The following CSNK2A1 variants were observed in gnomAD, a reference collection of about 807,000 sequenced individuals.
The protein encoded by CSNK2A1 is casein kinase 2 alpha 1.
In CSNK2A1, 10 loss-of-function variants were observed where a neutral mutation model predicts 62.9. That is an observed-to-expected ratio of 0.16 (90% confidence interval 0.10 to 0.27). CSNK2A1 has a LOEUF of 0.27. CSNK2A1 is among the 10% of genes least tolerant of loss of function. The pLI, the probability that CSNK2A1 is intolerant of heterozygous loss-of-function variation, is 1.00. For synonymous variants in CSNK2A1, 124 were observed against 167.8 expected (o/e 0.74, Z 2.02); for missense variants, 160 against 492.0 (o/e 0.33, Z 6.38).
intron 3 of CSNK2A1, 174 bp downstream of exon 3, chr20:508,277 C>T: frequency 1.7e-6 from 1 of 580,472 alleles, no homozygotes; most frequent in South Asian, 2.6e-5. Flanking sequence ...GCCAAAGCAA[C>T]TCTGCTTCCT....
intron 3 of CSNK2A1, chr20:507,009 A>C (rs1307900418): frequency 6.6e-6 from 1 of 152,206 alleles, no homozygotes; most frequent in African/African-American, 2.4e-5. Flanking sequence ...AACAACATTT[A>C]TTGGTACTAA....
intron 12 of CSNK2A1, chr20:487,043 C>T (rs561773140): frequency 1.4e-5 from 3 of 211,166 alleles, no homozygotes; most frequent in African/African-American, 2.3e-5. Context: ...GGTGGCTATA[C>T]TCACAAATCT....
intron 2 of CSNK2A1, among the ~76,000 whole-genome samples, chr20:520,356 T>C (rs1362366574): frequency 3.3e-5 from 5 of 152,112 alleles, no homozygotes; most frequent in Non-Finnish European, 7.4e-5. Flanking sequence ...CAAAACAGTG[T>C]ATTGGCAAAA....
At chr20:531,963 T>A (rs753877494) in intron 1 of CSNK2A1, among the ~76,000 whole-genome samples, 1 of 152,204 alleles carries the variant, frequency 6.6e-6, no homozygotes. Context: ...CTTAAATTGT[T>A]CACAGTCTTG....
intron 1 of CSNK2A1, among the ~76,000 whole-genome samples, chr20:542,458 G>C (rs1322053892): frequency 6.6e-6 from 1 of 152,204 alleles, no homozygotes; most frequent in African/African-American, 2.4e-5. Flanking sequence ...TTTTGAGGCG[G>C]AGTCTCGCTC....
intron 1 of CSNK2A1, among the ~76,000 whole-genome samples, chr20:540,604 C>G (rs1049495428): frequency 6.6e-6 from 1 of 152,050 alleles, no homozygotes; most frequent in Non-Finnish European, 1.5e-5. Context: ...GTGCCATTAC[C>G]GCTCACTGCA....
At chr20:537,957 T>C (rs1263573667) in intron 1 of CSNK2A1, among the ~76,000 whole-genome samples, 4 of 150,156 alleles carry the variant, frequency 2.7e-5, no homozygotes, top group Non-Finnish European at 2.9e-5. Flanking sequence ...TATAGACAGT[T>C]AACATCTTTT....
At chr20:529,811 G>T (rs963112443) in intron 1 of CSNK2A1, among the ~76,000 whole-genome samples, 27 of 152,172 alleles carry the variant, frequency 1.8e-4, no homozygotes, top group African/African-American at 5.3e-4. Context: ...CATTAAATTT[G>T]TGGGTAGAAG....
At position 499,510 on chromosome 20, in the gene CSNK2A1, G is replaced by GT; in HGVS notation, c.316-206_316-205insA. 1 of 557,012 alleles carries GT rather than the reference G, an allele frequency of 1.8e-6. No individual in the cohort carries two copies. The highest frequency in any genetic ancestry group is 3.1e-6 in the Non-Finnish European group (1 of 320,874). 34.5% of individuals were successfully genotyped at this position (557,012 alleles called of 1,614,324 possible). On this transcript the variant is annotated intron_variant, in intron 5 of 13. Transcript: ENST00000217244. The surrounding 1 kb of genome is among the most constrained non-coding windows in gnomAD (Gnocchi z 4.2). ...GGATGGATTTCAAACAGAAGACATGGAGCTGAAGTCTCACCAGGCTCTAGG... is the reference window on the plus strand; with the variant it reads ...GGATGGATTTCAAACAGAAGACATGGTAGCTGAAGTCTCACCAGGCTCTAGG...
At chr20:486,645 G>A in intron 12 of CSNK2A1, 183 bp from the exon 13 acceptor site, 1 of 544,860 alleles carries the variant, frequency 1.8e-6, no homozygotes, top group Non-Finnish European at 3.2e-6. Flanking sequence ...AGCAGAAATA[G>A]CTTTCCTATC....
In CSNK2A1 at chr20:524,080, A is replaced by T. The variant is rs186168693; in HGVS notation, c.-110+3853T>A. 1.3e-4 allele frequency among the ~76,000 whole-genome samples: 19 copies of T among 151,368 alleles called. No individual in the cohort carries two copies. The East Asian group carries it at 1.9e-3, about 15-fold the overall frequency. On this transcript the variant is annotated intron_variant, in intron 2 of 13. Coordinates refer to ENST00000217244, the MANE Select transcript of CSNK2A1 (RefSeq NM_177559.3). ...AGTCAATTTTACTGTGTATTAATTT[A>T]AAAAAAAATTTAAAAAAAGGAAAAA... is the stretch of plus-strand genomic sequence containing the variant.
chr20:519,968 A>C (rs2018911567), intron 2 of CSNK2A1, among the ~76,000 whole-genome samples: 1 of 152,216 alleles, frequency 6.6e-6, no homozygotes, highest in Non-Finnish European at 1.5e-5. Flanking sequence ...ATAAAATTAT[A>C]ATATCAGGTT....
rs574566053 is a variant in CSNK2A1, at chr20:516,105, A to T, written c.-109-7445T>A. Among the ~76,000 whole-genome samples, 7 of 152,366 alleles carry T rather than the reference A, an allele frequency of 4.6e-5. No homozygotes were observed. The South Asian group carries it at 1.4e-3, about 32-fold the overall frequency. ...TGCCTGAGTCCTAGATATTTGGAAGATCAATTCTCCTCTCCACTGTTCATA... is the reference window on the plus strand; with the variant it reads ...TGCCTGAGTCCTAGATATTTGGAAGTTCAATTCTCCTCTCCACTGTTCATA... On this transcript the variant is annotated intron_variant, in intron 2 of 13. Coordinates refer to ENST00000217244, the MANE Select transcript of CSNK2A1 (RefSeq NM_177559.3).
chr20:489,227 C>T (rs1181014530), intron 10 of CSNK2A1: 1 of 173,468 alleles, frequency 5.8e-6, no homozygotes, highest in Non-Finnish European at 1.2e-5. Flanking sequence ...CTCAGTACTG[C>T]ATGCACTTGA....
At position 488,699 on chromosome 20, in the gene CSNK2A1, C is replaced by T; in HGVS notation, c.803G>A (p.Arg268His). 1 of 1,613,744 alleles carries T rather than the reference C, an allele frequency of 6.2e-7. No individual in the cohort carries two copies. Among genetic ancestry groups the T allele is most frequent in the Non-Finnish European group, 8.5e-7 (1 of 1,179,820 alleles). The change falls in exon 11 of 14, where the codon CGT (arginine) becomes CAT (histidine). Residue 268 changes from arginine (R) to histidine (H), a missense_variant. Coordinates refer to ENST00000217244, the MANE Select transcript of CSNK2A1 (RefSeq NM_177559.3). ...IDKYNIELDP[R>H]FNDILGRHSR... ...TTACCTGCCCAAGATATCATTGAAA[C>T]GTGGATCTAATTCAATGTTGTATTT...
At chr20:492,444 T>C in intron 8 of CSNK2A1, 80 bp from the exon 9 acceptor site, 1 of 1,371,696 alleles carries the variant, frequency 7.3e-7, no homozygotes, top group Admixed American at 1.9e-5. Flanking sequence ...CTTGATAAAA[T>C]ATACCAGACA....
chr20:523,854 A>C (rs371714652), intron 2 of CSNK2A1, among the ~76,000 whole-genome samples: 1 of 129,796 alleles, frequency 7.7e-6, no homozygotes, highest in African/African-American at 3.0e-5. Context: ...GCAAGACTCC[A>C]TCTCAAAAAA....
At chr20:543,430 C>T (rs532769532) in intron 1 of CSNK2A1, among the ~76,000 whole-genome samples, 4 of 151,996 alleles carry the variant, frequency 2.6e-5, no homozygotes, top group Non-Finnish European at 5.9e-5. Flanking sequence ...ACTCCGGCAG[C>T]CGGTTCCCAC....
intron 9 of CSNK2A1, among the ~76,000 whole-genome samples, chr20:490,175 G>A (rs2018187227): frequency 1.3e-5 from 2 of 149,986 alleles, no homozygotes; most frequent in South Asian, 4.2e-4. Context: ...GGGACTACAG[G>A]CGCGTGCCAC....
Sources: allele counts gnomAD v4.1 joint callset (sites outside exome capture counted in the v4.1 genomes callset), GRCh38; gene constraint gnomAD v4.1.1; non-coding constraint Gnocchi (gnomAD v3.1); transcripts MANE v1.5; gene names NCBI Gene and HGNC (gene_info 2026-07-23, HGNC 2026-07-21).